The following MYO3B variants were observed in gnomAD, a reference collection of about 807,000 sequenced individuals.
The protein encoded by MYO3B is myosin-IIIb.
In MYO3B, 156 loss-of-function variants were observed where a neutral mutation model predicts 174.6. That is an observed-to-expected ratio of 0.89 (90% CI 0.78 to 1.02). The LOEUF (loss-of-function observed/expected upper bound fraction) is 1.02. Ranked by LOEUF, MYO3B falls within the 50% of genes least tolerant of loss-of-function variation. The pLI is 0.00. For synonymous variants in MYO3B, 563 were observed against 569.1 expected, an observed-to-expected ratio of 0.99 and a Z score of 0.15; for missense variants, 1,632 against 1,639.4, an observed-to-expected ratio of 1.00 and a Z score of 0.08.
intron 12 of MYO3B, 79 bp from the exon 13 acceptor site, chr2:170,386,110 A>C: frequency 8.7e-7 from 1 of 1,150,914 alleles, no homozygotes; most frequent in East Asian, 2.4e-5. Flanking sequence ...TAAGGTGTAC[A>C]GTAGTGGATG....
intron 32 of MYO3B, among the ~76,000 whole-genome samples, chr2:170,630,709 T>C (rs1042809386): frequency 3.3e-5 from 5 of 152,112 alleles, no homozygotes; most frequent in African/African-American, 9.7e-5. Context: ...AGAGGAAGGA[T>C]CAGGCAGCAA....
At chr2:170,473,111 A>ATTTTCT (rs899975415) in intron 25 of MYO3B, among the ~76,000 whole-genome samples, 14 of 97,914 alleles carry the variant, frequency 1.4e-4, no homozygotes, top group African/African-American at 2.1e-4. Flanking sequence ...TTTCATCACT[A>ATTTTCT]TTTTCTTTTT....
chr2:170,529,921 A>T lies in MYO3B; in HGVS notation c.3575+10381A>T, dbSNP rs527253529. 2.0e-5 allele frequency among the ~76,000 whole-genome samples: 3 copies of T among 152,346 alleles called. No homozygotes were observed. The South Asian group carries it at 6.2e-4, about 32-fold the overall frequency. On this transcript the variant is annotated intron_variant, in intron 30 of 34. Transcript: ENST00000408978. ...TTCTTCACTGGGTTATAAGGAAAAC[A>T]TAATGGTGTTTCAGTTCCAAGTATA...
chr2:170,499,753 G>C lies in MYO3B; in HGVS notation c.3234G>C (p.Arg1078Ser). 1 of 1,614,106 alleles carries C rather than the reference G, an allele frequency of 6.2e-7. No homozygotes were observed. The highest frequency in any genetic ancestry group is 1.1e-5 in the South Asian group (1 of 91,078). Residue 1078 changes from arginine (R) to serine (S), a missense_variant, in exon 27 of 35, where the codon AGG becomes AGC. Transcript: ENST00000408978. Reference sequence around the variant, plus strand: ...ATACCAAGGGGTGGCTTGGAGCCAGGAGATACAAAAGGGTCAGAGAGAAGA... The same window carrying C: ...ATACCAAGGGGTGGCTTGGAGCCAGCAGATACAAAAGGGTCAGAGAGAAGA... ...QAYTKGWLGA[R>S]RYKRVREKRE...
At chr2:170,465,927 G>T (rs368497366) in intron 24 of MYO3B, among the ~76,000 whole-genome samples, 1 of 152,080 alleles carries the variant, frequency 6.6e-6, no homozygotes, top group African/African-American at 2.4e-5. Flanking sequence ...CTGATTTTCC[G>T]TGTCCTTGCT....
At chr2:170,267,202 C>G (rs1248702503) in intron 7 of MYO3B, among the ~76,000 whole-genome samples, 1 of 152,206 alleles carries the variant, frequency 6.6e-6, no homozygotes, top group Non-Finnish European at 1.5e-5. Context: ...CCCAGCCTGA[C>G]AGAGGCTCTG....
intron 32 of MYO3B, 68 bp from the exon 33 acceptor site, chr2:170,651,560 G>A: frequency 1.6e-6 from 2 of 1,230,358 alleles, no homozygotes; most frequent in East Asian, 2.3e-5. Context: ...TTTATGTGAA[G>A]AGCCATTTTT....
At chr2:170,500,660 T>C (rs1426215357) in intron 27 of MYO3B, among the ~76,000 whole-genome samples, 1 of 152,150 alleles carries the variant, frequency 6.6e-6, no homozygotes. Context: ...GGATAGATAG[T>C]GGCGGTATAA....
intron 32 of MYO3B, chr2:170,601,748 T>C: frequency 1.4e-6 from 2 of 1,466,922 alleles, no homozygotes; most frequent in South Asian, 1.2e-5. Flanking sequence ...GCTCGATATG[T>C]AGCTGTATCC....
At chr2:170,341,386 G>A (rs980588388) in intron 8 of MYO3B, 2 of 152,138 alleles carry the variant, frequency 1.3e-5, no homozygotes, top group Admixed American at 6.5e-5. Context: ...GGCTATTTAC[G>A]TCTTGTCGGA....
chr2:170,534,482 G>A (rs1038571249), intron 30 of MYO3B, among the ~76,000 whole-genome samples: 3 of 152,146 alleles, frequency 2.0e-5, no homozygotes, highest in Non-Finnish European at 4.4e-5. Context: ...GCCTCACTCT[G>A]TCACCCAGGC....
At chr2:170,432,498 C>CA (rs1302150932) in intron 22 of MYO3B, among the ~76,000 whole-genome samples, 1 of 150,484 alleles carries the variant, frequency 6.6e-6, no homozygotes, top group Non-Finnish European at 1.5e-5. Flanking sequence ...TCAAAAGAGT[C>CA]AAAAAATTTT....
intron 17 of MYO3B, among the ~76,000 whole-genome samples, chr2:170,400,651 C>CA (rs1395705518): frequency 7.1e-6 from 1 of 140,488 alleles, no homozygotes; most frequent in Non-Finnish European, 1.5e-5. Flanking sequence ...GATCCACCCC[C>CA]CCCCCCTCGG....
chr2:170,183,945 T>C (rs1005927857), intron 1 of MYO3B, among the ~76,000 whole-genome samples: 1 of 152,162 alleles, frequency 6.6e-6, no homozygotes, highest in African/African-American at 2.4e-5. Flanking sequence ...TGGTGTTTCA[T>C]ACTTTGATAT....
intron 1 of MYO3B, among the ~76,000 whole-genome samples, chr2:170,181,732 T>G (rs961979532): frequency 6.6e-5 from 10 of 152,180 alleles, no homozygotes; most frequent in Non-Finnish European, 1.3e-4. Flanking sequence ...AATATAAATC[T>G]AAGTGTGCTT....
chr2:170,407,603 T>G (rs200998973), intron 21 of MYO3B, 112 bp from the exon 22 acceptor site: 5 of 430,722 alleles, frequency 1.2e-5, no homozygotes, highest in Non-Finnish European at 1.9e-5. Flanking sequence ...GAAAGCTATG[T>G]AAAGATGAGT....
chr2:170,268,532 T>C (rs2093401316), intron 7 of MYO3B, among the ~76,000 whole-genome samples: 1 of 152,230 alleles, frequency 6.6e-6, no homozygotes, highest in Non-Finnish European at 1.5e-5. Flanking sequence ...TTCTAGATAG[T>C]CATTTATTCA....
chr2:170,627,689 C>T (rs1357923127), intron 32 of MYO3B, among the ~76,000 whole-genome samples: 1 of 152,160 alleles, frequency 6.6e-6, no homozygotes, highest in African/African-American at 2.4e-5. Context: ...GTTTATCTAC[C>T]TTTGGTCTTT....
At chr2:170,489,634 G>GGTGTGTGTGTGT (rs369174830) in intron 25 of MYO3B, among the ~76,000 whole-genome samples, 9,940 of 139,230 alleles carry the variant, frequency 0.071, 466 homozygotes, top group South Asian at 0.09. Context: ...AACCAGTAGG[G>GGTGTGTGTGTGT]GTGTGTGTGT....
Sources: gnomAD v4.1 joint callset for allele counts (sites outside exome capture counted in the v4.1 genomes callset) on GRCh38, gnomAD v4.1.1 for gene constraint, MANE v1.5 for transcripts, NCBI Gene and HGNC (gene_info 2026-07-23, HGNC 2026-07-21) for gene names.